The following RALGAPA1 variants were observed in gnomAD, a reference collection of about 807,000 sequenced individuals.
RALGAPA1 encodes Ral GTPase activating protein catalytic subunit alpha 1.
A neutral mutation model predicts 269.6 loss-of-function variants in RALGAPA1; 52 were observed. The ratio of observed to expected loss-of-function variants is 0.19; its 90% CI spans 0.15 to 0.24. RALGAPA1 has a LOEUF of 0.24. Among genes scored for constraint, RALGAPA1 ranks in the 10% least tolerant of loss-of-function variants. The pLI is 1.00. For synonymous variants in RALGAPA1, 817 were observed against 1,008.3 expected, an observed-to-expected ratio of 0.81 and a Z score of 3.60; for missense variants, 1,917 against 3,013.9, an observed-to-expected ratio of 0.64 and a Z score of 8.52.
intron 31 of RALGAPA1, among the ~76,000 whole-genome samples, chr14:35,643,870 T>C (rs530468065): frequency 3.1e-4 from 47 of 152,214 alleles, no homozygotes; most frequent in African/African-American, 1.1e-3. Flanking sequence ...AATAGAATGA[T>C]GGTTACCAGA....
chr14:35,607,189 G>T (rs1420755833), intron 35 of RALGAPA1, among the ~76,000 whole-genome samples: 1 of 152,196 alleles, frequency 6.6e-6, no homozygotes, highest in African/African-American at 2.4e-5. Context: ...CTAAATCTCA[G>T]TAACAACACA....
At chr14:35,754,480 T>C (rs1030965091) in intron 7 of RALGAPA1, among the ~76,000 whole-genome samples, 1 of 152,116 alleles carries the variant, frequency 6.6e-6, no homozygotes, top group African/African-American at 2.4e-5. Context: ...AACATACCAT[T>C]AGCTGTTAGG....
In RALGAPA1 at chr14:35,538,887, T is replaced by A. The variant is rs1210286661; in HGVS notation, c.*827A>T. 1 of 144,984 alleles carries A rather than the reference T, an allele frequency of 6.9e-6. No individual in the cohort carries two copies. Among genetic ancestry groups the A allele is most frequent in the African/African-American group, 2.6e-5 (1 of 38,652 alleles). 9.0% of individuals were successfully genotyped at this position (144,984 alleles called of 1,614,324 possible). On this transcript the variant is annotated 3_prime_UTR_variant, in exon 42 of 42. Transcript: ENST00000680220. ...AAACATTAGAAAAATACTTGGAAGCTAAACATAAAAGTTCAGCACAGTGAT... is the reference window on the plus strand; with the variant it reads ...AAACATTAGAAAAATACTTGGAAGCAAAACATAAAAGTTCAGCACAGTGAT...
At chr14:35,580,667 T>G (rs184915339) in intron 37 of RALGAPA1, among the ~76,000 whole-genome samples, 20 of 152,272 alleles carry the variant, frequency 1.3e-4, no homozygotes, top group Admixed American at 9.8e-4. Context: ...TTACTTCTCA[T>G]TCTGAGAAAA....
intron 21 of RALGAPA1, among the ~76,000 whole-genome samples, chr14:35,681,399 T>A (rs2065427296): frequency 6.6e-6 from 1 of 152,304 alleles, no homozygotes; most frequent in South Asian, 2.1e-4. Flanking sequence ...AAATATAGGT[T>A]ACATAAATAT....
intron 36 of RALGAPA1, among the ~76,000 whole-genome samples, chr14:35,601,463 A>G (rs1004645209): frequency 9.2e-5 from 14 of 152,186 alleles, no homozygotes; most frequent in African/African-American, 3.4e-4. Flanking sequence ...GAGGTTGGGG[A>G]TGGGGTCAAG....
intron 31 of RALGAPA1, among the ~76,000 whole-genome samples, chr14:35,637,531 A>G (rs896812641): frequency 6.6e-6 from 1 of 152,202 alleles, no homozygotes; most frequent in African/African-American, 2.4e-5. Context: ...GTCAGAGGCG[A>G]CAAAAGAAAA....
intron 37 of RALGAPA1, among the ~76,000 whole-genome samples, chr14:35,580,141 G>A (rs2057860837): frequency 6.6e-6 from 1 of 152,106 alleles, no homozygotes; most frequent in African/African-American, 2.4e-5. Flanking sequence ...CTTAAATAAA[G>A]TGCTTCTTTC....
rs562675779 is a variant in RALGAPA1 at position 35,762,243 on chromosome 14, A to C, written c.369+467T>G. On this transcript the variant is annotated intron_variant, in intron 5 of 41. Coordinates refer to ENST00000680220, the MANE Select transcript of RALGAPA1 (RefSeq NM_001346249.2). Reference sequence around the variant, plus strand: ...ATGGTTTGTCAAACAAACTCTTGCTACGTTTTTTTTTTGTTTTTGTTTTTG... The same window carrying C: ...ATGGTTTGTCAAACAAACTCTTGCTCCGTTTTTTTTTTGTTTTTGTTTTTG... Among the ~76,000 whole-genome samples the C allele has an allele frequency of 4.0e-5, 6 of 150,664 alleles. No homozygotes were observed. The South Asian group carries it at 1.2e-3, about 31-fold the overall frequency.
intron 37 of RALGAPA1, among the ~76,000 whole-genome samples, chr14:35,592,167 G>GA (rs1332810497): frequency 6.6e-6 from 1 of 152,112 alleles, no homozygotes; most frequent in Admixed American, 6.5e-5. Flanking sequence ...TAACCAATCA[G>GA]AAATGAAAGT....
In RALGAPA1 at chr14:35,540,549, C is replaced by T. The variant is rs962579192; in HGVS notation, c.*24-859G>A. ...CTTTATTTCTATAAATTATCATTCTCTAATATGCAGCAATACTACAGAACC... is the reference window on the plus strand; with the variant it reads ...CTTTATTTCTATAAATTATCATTCTTTAATATGCAGCAATACTACAGAACC... On this transcript the variant is annotated intron_variant, in intron 41 of 41. Coordinates refer to ENST00000680220, the MANE Select transcript of RALGAPA1 (RefSeq NM_001346249.2). Among the ~76,000 whole-genome samples, 3 of 152,196 alleles carry T rather than the reference C, an allele frequency of 2.0e-5. 1 individual carries two copies. Among genetic ancestry groups the T allele is most frequent in the Admixed American group, 2.0e-4 (3 of 15,286 alleles).
chr14:35,751,812 C>CAAA (rs1491566464), intron 8 of RALGAPA1, among the ~76,000 whole-genome samples: 8 of 140,982 alleles, frequency 5.7e-5, no homozygotes, highest in East Asian at 4.1e-4. Context: ...ACAACAACAA[C>CAAA]AAAAAAAAAC....
chr14:35,617,773 T>A (rs2060356624), intron 35 of RALGAPA1, among the ~76,000 whole-genome samples: 1 of 148,504 alleles, frequency 6.7e-6, no homozygotes, highest in Non-Finnish European at 1.5e-5. Flanking sequence ...AAAAAGAAAA[T>A]AATGAAACAG....
intron 2 of RALGAPA1, 99 bp downstream of exon 2, chr14:35,775,536 C>A: frequency 7.1e-7 from 1 of 1,417,004 alleles, no homozygotes; most frequent in Non-Finnish European, 9.2e-7. Flanking sequence ...AGCTGTCCGA[C>A]AAAAATAAGT....
At chr14:35,748,378 C>CTTTTTTTTTTTT (rs35805261) in intron 10 of RALGAPA1, 1 of 247,456 alleles carries the variant, frequency 4.0e-6, no homozygotes. Flanking sequence ...CTCTCTCGCT[C>CTTTTTTTTTTTT]TTTTTTTTTT....
At chr14:35,762,876 C>A in intron 4 of RALGAPA1, 123 bp from the exon 5 acceptor site, 1 of 629,782 alleles carries the variant, frequency 1.6e-6, no homozygotes, top group Middle Eastern at 4.0e-4. Context: ...TTCTTGGTGA[C>A]CTTTATATCC....
intron 12 of RALGAPA1, among the ~76,000 whole-genome samples, chr14:35,731,223 G>A (rs191413861): frequency 6.6e-6 from 1 of 152,298 alleles, no homozygotes; most frequent in East Asian, 1.9e-4. Flanking sequence ...TGGGACAAAA[G>A]AATCTTAACA....
chr14:35,601,962 C>T (rs2059315948), intron 36 of RALGAPA1, among the ~76,000 whole-genome samples: 1 of 152,048 alleles, frequency 6.6e-6, no homozygotes, highest in Admixed American at 6.5e-5. Flanking sequence ...TTTTAGTTGT[C>T]ACCCCCCTCC....
intron 35 of RALGAPA1, among the ~76,000 whole-genome samples, chr14:35,624,602 AAAAAGG>A (rs2060874987): frequency 1.3e-5 from 2 of 152,208 alleles, no homozygotes; most frequent in Non-Finnish European, 2.9e-5. Flanking sequence ...ATAGAAAAAA[AAAAAGG>A]CTTTTCTCAA....
Sources: allele counts gnomAD v4.1 joint callset (sites outside exome capture counted in the v4.1 genomes callset), GRCh38; gene constraint gnomAD v4.1.1; transcripts MANE v1.5; gene names NCBI Gene and HGNC (gene_info 2026-07-23, HGNC 2026-07-21).